The following TPTE2 variants were observed in gnomAD, a reference collection of about 807,000 sequenced individuals.
TPTE2 encodes the protein phosphatidylinositol 3,4,5-trisphosphate 3-phosphatase TPTE2.
A neutral mutation model predicts 78.6 loss-of-function variants in TPTE2; 53 were observed. That is an observed-to-expected ratio of 0.67 (90% CI 0.54 to 0.85). The LOEUF (loss-of-function observed/expected upper bound fraction) is 0.85. Ranked by LOEUF, TPTE2 falls within the 40% of genes least tolerant of loss-of-function variation. The pLI is 0.00. For missense variants in TPTE2, 461 were observed against 623.0 expected (o/e 0.74, Z 2.77); for synonymous variants, 175 against 206.2 (o/e 0.85, Z 1.30).
chr13:19,497,749 T>C (rs1881473763), intron 1 of TPTE2, among the ~76,000 whole-genome samples: 1 of 151,538 alleles, frequency 6.6e-6, no homozygotes, highest in Non-Finnish European at 1.5e-5. Context: ...GCGCCTCTCC[T>C]CCTCCAAAGG....
intron 1 of TPTE2, chr13:19,536,587 G>A (rs1282549429): frequency 6.6e-6 from 1 of 152,024 alleles, no homozygotes; most frequent in East Asian, 1.9e-4. Flanking sequence ...GTATTCTGCT[G>A]CAACTTACTT....
At chr13:19,423,791 T>C (rs1359167218) in intron 19 of TPTE2, among the ~76,000 whole-genome samples, 2 of 152,184 alleles carry the variant, frequency 1.3e-5, no homozygotes, top group Non-Finnish European at 2.9e-5. Context: ...ATAAAAGTGA[T>C]CTAGCTTATC....
At chr13:19,459,275 C>T (rs997502204) in intron 10 of TPTE2, among the ~76,000 whole-genome samples, 2 of 151,838 alleles carry the variant, frequency 1.3e-5, no homozygotes, top group African/African-American at 4.8e-5. Context: ...CTGTTTTTTT[C>T]TTGTAAATTT....
chr13:19,430,662 T>G, intron 16 of TPTE2, 115 bp from the exon 20 acceptor site: 1 of 667,228 alleles, frequency 1.5e-6, no homozygotes. Context: ...TAACAACGTA[T>G]CAATAGTTAC....
chr13:19,531,849 C>T (rs558361524), intron 1 of TPTE2, among the ~76,000 whole-genome samples: 4 of 152,134 alleles, frequency 2.6e-5, no homozygotes, highest in South Asian at 2.1e-4. Flanking sequence ...ATTGCTTGAA[C>T]CTGGGAGGCA....
rs1345720710 is a variant in TPTE2, at chr13:19,434,711, C to T, written c.1116+1515G>A. The stretch of plus-strand genomic sequence containing the variant: ...TAGTTAGAGTGTTCTTCTAACGGGG[C>T]CAAGAGTACTTACTCAGCTCCCACC... On this transcript the variant is annotated intron_variant, in intron 15 of 19. Coordinates refer to ENST00000400230, the Ensembl canonical transcript of TPTE2. Among the ~76,000 whole-genome samples, 11 of 152,174 alleles carry T rather than the reference C, an allele frequency of 7.2e-5. No individual in the cohort carries two copies. In the South Asian group the frequency reaches 2.3e-3, roughly 32 times the overall value.
chr13:19,501,790 A>G (rs1422975857), intron 1 of TPTE2, among the ~76,000 whole-genome samples: 2 of 152,038 alleles, frequency 1.3e-5, no homozygotes, highest in Admixed American at 6.5e-5. Flanking sequence ...AGAAAAGCCA[A>G]AATTGACAAA....
At chr13:19,493,652 T>C in intron 1 of TPTE2, 151 bp from the exon 5 acceptor site, 1 of 761,532 alleles carries the variant, frequency 1.3e-6, no homozygotes, top group Non-Finnish European at 2.3e-6. Flanking sequence ...TGTCTATTTT[T>C]CTTTATTAGA....
upstream of TPTE2, among the ~76,000 whole-genome samples, chr13:19,539,163 C>T (rs1871367970): frequency 1.3e-5 from 2 of 152,138 alleles, no homozygotes; most frequent in Non-Finnish European, 2.9e-5. Flanking sequence ...TCTTAAAGGC[C>T]CCACCTCTCA....
Position 19,486,894 on chromosome 13 carries a change from A to G in TPTE2, c.120-4347T>C, listed in dbSNP as rs1475192825. 1.3e-5 allele frequency among the ~76,000 whole-genome samples: 2 copies of G among 152,068 alleles called. No individual in the cohort carries two copies. The highest frequency in any genetic ancestry group is 3.9e-4 in the East Asian group (2 of 5,162). On this transcript the variant is annotated intron_variant, in intron 3 of 19. Coordinates refer to ENST00000400230, the Ensembl canonical transcript of TPTE2. This position sits in a 1 kb window ranked among gnomAD's most constrained non-coding sequence, Gnocchi z 4.3. ...GGCCTGGGTGGTGCCTGCCAGGGGAAGCCCAGGGGACTGCTTCTATAAGCC... is the reference window on the plus strand; with the variant it reads ...GGCCTGGGTGGTGCCTGCCAGGGGAGGCCCAGGGGACTGCTTCTATAAGCC...
At chr13:19,441,345 C>A (rs1382178714) in intron 13 of TPTE2, among the ~76,000 whole-genome samples, 1 of 152,028 alleles carries the variant, frequency 6.6e-6, no homozygotes, top group Non-Finnish European at 1.5e-5. Context: ...GATGCGATCA[C>A]TCACACCCCA....
At chr13:19,434,562 AG>A (rs1876922232) in intron 15 of TPTE2, among the ~76,000 whole-genome samples, 1 of 152,036 alleles carries the variant, frequency 6.6e-6, no homozygotes, top group African/African-American at 2.4e-5. Context: ...TATCACTTTT[AG>A]CTTAGGGTCT....
At chr13:19,493,467 C>T (rs1373848433) in exon 2 of TPTE2, 1 of 1,613,772 alleles carries the variant, frequency 6.2e-7, no homozygotes, top group Non-Finnish European at 8.5e-7. Context: ...GCAGGTGCCT[C>T]CTCGGTTGTT....
the TPTE2 span, among the ~76,000 whole-genome samples, chr13:19,559,572 G>A: frequency 6.7e-6 from 1 of 149,708 alleles, no homozygotes; most frequent in African/African-American, 2.4e-5. Context: ...ATGATGAGAG[G>A]AGGAGCAAAG....
the TPTE2 span, among the ~76,000 whole-genome samples, chr13:19,542,045 G>A: frequency 1.3e-5 from 2 of 152,084 alleles, no homozygotes; most frequent in Non-Finnish European, 2.9e-5. Context: ...TGATAACATA[G>A]TTTTGAGTAA....
intron 10 of TPTE2, among the ~76,000 whole-genome samples, chr13:19,457,767 T>C (rs1458859131): frequency 1.3e-5 from 2 of 152,224 alleles, no homozygotes; most frequent in Admixed American, 6.5e-5. Flanking sequence ...TTTTTTGTTG[T>C]TGTTTTTTTA....
intron 18 of TPTE2, chr13:19,425,719 G>T (rs752681888): frequency 1.7e-5 from 9 of 515,978 alleles, no homozygotes; most frequent in South Asian, 4.2e-5. Context: ...CCCAATAAAG[G>T]CTTCCACTCT....
Position 19,425,671 on chromosome 13 carries a change from C to T in TPTE2, c.1396-654G>A, listed in dbSNP as rs537510395. On this transcript the variant is annotated intron_variant, in intron 18 of 19. Coordinates refer to ENST00000400230, the Ensembl canonical transcript of TPTE2. Reference sequence around the variant, plus strand: ...GCTGCTTGCGTTAAACCAAATTAGACTTCCCCTCAGGAAACCTGCTCAGGT... The same window carrying T: ...GCTGCTTGCGTTAAACCAAATTAGATTTCCCCTCAGGAAACCTGCTCAGGT... 1.8e-4 allele frequency: 94 copies of T among 508,414 alleles called. 1 individual carries two copies. Among genetic ancestry groups the T allele is most frequent in the South Asian group, 7.0e-4 (49 of 70,426 alleles). The allele number at this position is 508,414 out of a possible 1,614,324, so 31.5% of individuals were successfully genotyped here.
intron 13 of TPTE2, among the ~76,000 whole-genome samples, chr13:19,447,848 G>A (rs1031202442): frequency 2.8e-4 from 42 of 152,246 alleles, no homozygotes; most frequent in Admixed American, 1.2e-3. Flanking sequence ...CCCCACCAAT[G>A]TCAACTTCTT....
Sources: allele counts gnomAD v4.1 joint callset (sites outside exome capture counted in the v4.1 genomes callset), GRCh38; gene constraint gnomAD v4.1.1; non-coding constraint Gnocchi (gnomAD v3.1); transcripts MANE v1.5; gene names NCBI Gene and HGNC (gene_info 2026-07-23, HGNC 2026-07-21).